Variants in ABCG1 observed in about 807,000 individuals in gnomAD.
The protein encoded by ABCG1 is ATP binding cassette subfamily G member 1, also known as ATP-binding cassette sub-family G member 1.
In ABCG1, 29 loss-of-function variants were observed where a neutral mutation model predicts 69.2. The observed-to-expected ratio is 0.42, with a 90% CI of 0.31 to 0.57. ABCG1 has a LOEUF of 0.57. ABCG1 is among the 20% of genes least tolerant of loss of function. The pLI, the probability that ABCG1 is intolerant of heterozygous loss-of-function variation, is 0.15. For missense variants in ABCG1, 718 were observed against 898.1 expected (o/e 0.80, Z 2.56); for synonymous variants, 370 against 374.8 (o/e 0.99, Z 0.15).
chr21:42,271,283 C>A, intron 3 of ABCG1, 96 bp downstream of exon 3: 1 of 784,782 alleles, frequency 1.3e-6, no homozygotes, highest in Non-Finnish European at 2.0e-6. Context: ...TCACCTGGAG[C>A]AGGCTGTGGT....
rs1398306454 is a variant in ABCG1 at position 42,289,000 on chromosome 21, G to GAGA, written c.1224+691_1224+693dup. Among the ~76,000 whole-genome samples, 1 of 152,070 alleles carries GAGA rather than the reference G, an allele frequency of 6.6e-6. No homozygotes were observed. Among genetic ancestry groups the GAGA allele is most frequent in the Non-Finnish European group, 1.5e-5 (1 of 68,014 alleles). On this transcript the variant is annotated intron_variant, in intron 10 of 14. Transcript: ENST00000398449. This position sits in a 1 kb window ranked among gnomAD's most constrained non-coding sequence, Gnocchi z 4.8. ...CATTGTCATGAGCACAGACCCAAAG[G>GAGA]AGAAGTCCACCCCCATGATCCAATC...
At chr21:42,252,278 ATTGTGC>A (rs1296994914) in intron 2 of ABCG1, among the ~76,000 whole-genome samples, 2 of 152,134 alleles carry the variant, frequency 1.3e-5, no homozygotes, top group Non-Finnish European at 2.9e-5. Context: ...TGTGCCTACC[ATTGTGC>A]CTGTGCTGGA....
At chr21:42,286,070 C>T (rs375006437) in intron 8 of ABCG1, 76 bp downstream of exon 8, 1 of 990,894 alleles carries the variant, frequency 1.0e-6, no homozygotes, top group Non-Finnish European at 1.6e-6. Flanking sequence ...TTAGCTGACG[C>T]CCCCAACTCA....
chr21:42,219,043 G>T (rs2067676173), upstream of ABCG1: 2 of 249,324 alleles, frequency 8.0e-6, no homozygotes, highest in East Asian at 1.9e-4. The surrounding 1 kb of genome is among the most constrained non-coding windows in gnomAD (Gnocchi z 5.3). Context: ...AAGAGCACGC[G>T]CACCTGCCGG....
At chr21:42,201,655 C>T in exon 2 of ABCG1, 1 of 1,605,904 alleles carries the variant, frequency 6.2e-7, no homozygotes, top group Middle Eastern at 1.7e-4. Context: ...ATCACCGACT[C>T]TGTGCCAGGA....
chr21:42,282,047 C>T (rs1260121432), intron 5 of ABCG1, among the ~76,000 whole-genome samples: 1 of 152,230 alleles, frequency 6.6e-6, no homozygotes, highest in African/African-American at 2.4e-5. Flanking sequence ...CAGTGCAGAG[C>T]CTCTGGGCAG....
At chr21:42,211,505 T>C (rs2067589006), upstream of ABCG1, among the ~76,000 whole-genome samples, 1 of 151,974 alleles carries the variant, frequency 6.6e-6, no homozygotes, top group Non-Finnish European at 1.5e-5. Flanking sequence ...TTCCTTACTT[T>C]CTCCCTGCTA....
chr21:42,233,546 G>T (rs781674875), intron 2 of ABCG1, among the ~76,000 whole-genome samples: 1 of 152,220 alleles, frequency 6.6e-6, no homozygotes, highest in Non-Finnish European at 1.5e-5. Context: ...GTGGATCCAG[G>T]TTCTGTTTTT....
chr21:42,270,609 T>C (rs1353838176), intron 2 of ABCG1, among the ~76,000 whole-genome samples: 1 of 152,236 alleles, frequency 6.6e-6, no homozygotes, highest in Non-Finnish European at 1.5e-5. Context: ...AAATAATTTG[T>C]AGATGCAGTA....
At position 42,296,759 on chromosome 21, in the gene ABCG1, G is replaced by T; in HGVS notation, c.*367G>T. On this transcript the variant is annotated 3_prime_UTR_variant, in exon 15 of 15. Coordinates refer to ENST00000398449, the MANE Select transcript of ABCG1 (RefSeq NM_016818.3). This position sits in a 1 kb window ranked among gnomAD's most constrained non-coding sequence, Gnocchi z 5.4. ...CCAGGCACCGTGGGTCCTGGATGGG[G>T]AACTGCAAGCAGCCTCTCAGCTGAT... 3.6e-6 allele frequency: 1 copy of T among 279,238 alleles called. No individual in the cohort carries two copies. The allele number at this position is 279,238 out of a possible 1,614,324, so 17.3% of individuals were successfully genotyped here.
upstream of ABCG1, among the ~76,000 whole-genome samples, chr21:42,212,327 C>T (rs901139217): frequency 1.3e-5 from 2 of 151,956 alleles, no homozygotes; most frequent in Non-Finnish European, 2.9e-5. Context: ...GCTCAAAAGG[C>T]CTGGACTGCC....
rs771073391 is a variant in ABCG1 at position 42,291,059 on chromosome 21, C to T, written c.1394-33C>T. On this transcript the variant is annotated intron_variant, in intron 11 of 14. Coordinates refer to ENST00000398449, the MANE Select transcript of ABCG1 (RefSeq NM_016818.3). This position sits in a 1 kb window ranked among gnomAD's most constrained non-coding sequence, Gnocchi z 6.4. ...TAAACGGGCTCGCTGCACATGGTCA[C>T]TGACCCTTCTTTTTTGCTTTTCTAT... The T allele has an allele frequency of 2.7e-5, 42 of 1,552,040 alleles. No homozygotes were observed. Among genetic ancestry groups the T allele is most frequent in the Non-Finnish European group, 3.6e-5 (40 of 1,124,694 alleles).
chr21:42,251,942 T>G (rs919385195), intron 2 of ABCG1, among the ~76,000 whole-genome samples: 1 of 152,196 alleles, frequency 6.6e-6, no homozygotes, highest in South Asian at 2.1e-4. Context: ...GTCCGTCGAA[T>G]CTGAAAGGAC....
chr21:42,279,560 T>C (rs1179758544), intron 5 of ABCG1, among the ~76,000 whole-genome samples: 1 of 152,174 alleles, frequency 6.6e-6, no homozygotes, highest in Non-Finnish European at 1.5e-5. Context: ...CACCTGCCTT[T>C]TGGGGCAGTG....
At position 42,278,046 on chromosome 21, in the gene ABCG1, T is replaced by C. The variant is rs559564068; in HGVS notation, c.588+1101T>C. On this transcript the variant is annotated intron_variant, in intron 5 of 14. Coordinates refer to ENST00000398449, the MANE Select transcript of ABCG1 (RefSeq NM_016818.3). ...ATGCCCGGTGCAGGTGGAAAGAGCC[T>C]AATGTCTGAGAGAAGGAAAATGACT... Among the ~76,000 whole-genome samples, 13 of 152,300 alleles carry C rather than the reference T, an allele frequency of 8.5e-5. No homozygotes were observed. The South Asian group carries it at 2.5e-3, about 29-fold the overall frequency.
At chr21:42,256,378 C>G (rs936048508) in intron 2 of ABCG1, 1 of 1,550,264 alleles carries the variant, frequency 6.5e-7, no homozygotes, top group Non-Finnish European at 8.7e-7. Flanking sequence ...CTGTCTGTAC[C>G]GCCATTCTCT....
chr21:42,284,524 G>A lies in ABCG1; in HGVS notation c.735-36G>A, dbSNP rs201017553. ...CCTGGGGCAGTGGCTAGTTCCTGCC[G>A]CCCGCAGGCGTCTCACGGTGCCTCT... On this transcript the variant is annotated intron_variant, in intron 6 of 14. Transcript: ENST00000398449. 1.8e-4 allele frequency: 287 copies of A among 1,606,608 alleles called. No individual in the cohort carries two copies. The African/African-American group carries it at 3.1e-3, about 17-fold the overall frequency.
intron 2 of ABCG1, among the ~76,000 whole-genome samples, chr21:42,209,631 G>A (rs886679298): frequency 6.6e-6 from 1 of 152,180 alleles, no homozygotes; most frequent in Admixed American, 6.5e-5. Context: ...ACTGATGATC[G>A]TAATCAAGAC....
intron 2 of ABCG1, among the ~76,000 whole-genome samples, chr21:42,233,629 T>C (rs770200875): frequency 2.0e-5 from 3 of 152,258 alleles, no homozygotes; most frequent in Non-Finnish European, 4.4e-5. Context: ...CCCAGCCAAG[T>C]ACAGAACAAT....
Sources: gnomAD v4.1 joint callset for allele counts (sites outside exome capture counted in the v4.1 genomes callset) on GRCh38, gnomAD v4.1.1 for gene constraint, Gnocchi (gnomAD v3.1) non-coding constraint, MANE v1.5 for transcripts, NCBI Gene and HGNC (gene_info 2026-07-23, HGNC 2026-07-21) for gene names.